The following SCFD2 variants were observed in gnomAD, a reference collection of about 807,000 sequenced individuals.
The protein encoded by SCFD2 is sec1 family domain containing 2.
A neutral mutation model predicts 58.9 loss-of-function variants in SCFD2; 54 were observed. That is an observed-to-expected ratio of 0.92 (90% CI 0.74 to 1.15). The LOEUF (loss-of-function observed/expected upper bound fraction) is 1.15. Among genes scored for constraint, SCFD2 ranks in the 50% most tolerant of loss-of-function variants. The pLI is 0.00. For synonymous variants in SCFD2, 321 were observed against 335.9 expected (o/e 0.96, Z 0.49); for missense variants, 805 against 836.6 (o/e 0.96, Z 0.47).
intron 5 of SCFD2, among the ~76,000 whole-genome samples, chr4:52,998,246 G>A (rs1721787605): frequency 6.6e-6 from 1 of 152,226 alleles, no homozygotes. Flanking sequence ...ACTCAGTAAA[G>A]TCCTACTATG....
intron 5 of SCFD2, among the ~76,000 whole-genome samples, chr4:53,075,475 C>T (rs1723945969): frequency 6.6e-6 from 1 of 152,150 alleles, no homozygotes; most frequent in Non-Finnish European, 1.5e-5. Flanking sequence ...GTGCAAGAGG[C>T]CTAGCTTTCA....
chr4:52,975,144 G>T (rs1340589975), intron 5 of SCFD2, among the ~76,000 whole-genome samples: 2 of 152,064 alleles, frequency 1.3e-5, no homozygotes, highest in Admixed American at 6.5e-5. Flanking sequence ...CAAAAGCAAT[G>T]GCAACAAAAG....
intron 5 of SCFD2, among the ~76,000 whole-genome samples, chr4:52,971,405 A>G (rs563766241): frequency 5.3e-5 from 8 of 152,364 alleles, no homozygotes; most frequent in African/African-American, 1.9e-4. Context: ...CAACTGGAAG[A>G]AAGGGTATCA....
At chr4:53,295,528 A>G (rs774217441) in intron 3 of SCFD2, among the ~76,000 whole-genome samples, 7 of 152,216 alleles carry the variant, frequency 4.6e-5, no homozygotes, top group Non-Finnish European at 1.0e-4. Flanking sequence ...CTGCTTAAGA[A>G]GATTTTGGGC....
At chr4:53,222,863 C>A (rs1729089181) in intron 4 of SCFD2, among the ~76,000 whole-genome samples, 1 of 152,154 alleles carries the variant, frequency 6.6e-6, no homozygotes, top group African/African-American at 2.4e-5. Context: ...CAGCTTTATG[C>A]ATTTAATTTG....
chr4:53,007,305 GGAGA>G lies in SCFD2; in HGVS notation c.1562-86439_1562-86436del, dbSNP rs147645284. On this transcript the variant is annotated intron_variant, in intron 5 of 8. Transcript: ENST00000401642. The stretch of plus-strand genomic sequence containing the variant: ...AGGAGAGAGAGGGAGAGAGGGAGAG[GGAGA>G]GAGAGAGAGAGAGAGAGAGAGAGAG... Among the ~76,000 whole-genome samples, 134 of 66,082 alleles carry G rather than the reference GGAGA, an allele frequency of 2.0e-3. 1 individual carries two copies. The highest frequency in any genetic ancestry group is 5.6e-3 in the East Asian group (14 of 2,510). The allele number at this position is 66,082 out of a possible 152,430, so 43.4% of individuals were successfully genotyped here.
chr4:52,998,900 C>G (rs1334303165), intron 5 of SCFD2, among the ~76,000 whole-genome samples: 1 of 152,140 alleles, frequency 6.6e-6, no homozygotes, highest in Non-Finnish European at 1.5e-5. Flanking sequence ...TTCCAACAGT[C>G]CCTGAGCTAT....
At chr4:52,900,725 C>A (rs1719168079) in intron 7 of SCFD2, among the ~76,000 whole-genome samples, 2 of 152,206 alleles carry the variant, frequency 1.3e-5, no homozygotes, top group South Asian at 2.1e-4. Context: ...TTTGTCTGTG[C>A]CCTGCCCCCA....
rs746304246 is a variant in SCFD2 at position 53,252,580 on chromosome 4, G to A, written c.1311+21246C>T. Among the ~76,000 whole-genome samples, 638 of 150,586 alleles carry A rather than the reference G, an allele frequency of 4.2e-3. 2 individuals are homozygous for A. Among genetic ancestry groups the A allele is most frequent in the Non-Finnish European group, 4.4e-3 (300 of 67,646 alleles). On this transcript the variant is annotated intron_variant, in intron 4 of 8. Transcript: ENST00000401642. ...GAACAGAGCCCTCAGAAATAACACC[G>A]CATATCTACAACTGTCTGATCTTTG...
chr4:52,917,107 G>A (rs912474820), intron 6 of SCFD2, among the ~76,000 whole-genome samples: 1 of 152,010 alleles, frequency 6.6e-6, no homozygotes. Flanking sequence ...GAGTCTTGCT[G>A]TGTTTCCCAG....
intron 4 of SCFD2, among the ~76,000 whole-genome samples, chr4:53,202,579 A>T (rs1177007340): frequency 3.9e-5 from 6 of 152,136 alleles, no homozygotes; most frequent in African/African-American, 9.7e-5. Flanking sequence ...ATTGGTAGCT[A>T]GATGGGGATG....
At chr4:53,200,757 G>T (rs990750465) in intron 4 of SCFD2, among the ~76,000 whole-genome samples, 2 of 152,082 alleles carry the variant, frequency 1.3e-5, no homozygotes, top group African/African-American at 4.8e-5. Flanking sequence ...TGTCTTAATG[G>T]CATGAATTTA....
intron 5 of SCFD2, among the ~76,000 whole-genome samples, chr4:53,096,529 T>C (rs1284602299): frequency 6.6e-6 from 1 of 152,208 alleles, no homozygotes; most frequent in Non-Finnish European, 1.5e-5. Flanking sequence ...TTGAGAAGTG[T>C]CTGTTCATAT....
intron 5 of SCFD2, among the ~76,000 whole-genome samples, chr4:53,059,127 C>G (rs1234476088): frequency 6.6e-6 from 1 of 152,120 alleles, no homozygotes; most frequent in Non-Finnish European, 1.5e-5. Flanking sequence ...GAACTCCAGC[C>G]AGGTGACTGA....
chr4:53,014,382 A>T (rs1023271266), intron 5 of SCFD2, among the ~76,000 whole-genome samples: 1 of 152,248 alleles, frequency 6.6e-6, no homozygotes, highest in African/African-American at 2.4e-5. Context: ...GCCACACCTA[A>T]AATCCATGTG....
chr4:52,969,335 A>C (rs1476834715), intron 5 of SCFD2, among the ~76,000 whole-genome samples: 2 of 152,220 alleles, frequency 1.3e-5, no homozygotes, highest in African/African-American at 2.4e-5. Flanking sequence ...AATTTTTAAC[A>C]ACATGTTTTT....
chr4:53,194,513 C>A (rs1050232076), intron 4 of SCFD2, among the ~76,000 whole-genome samples: 1 of 152,074 alleles, frequency 6.6e-6, no homozygotes, highest in African/African-American at 2.4e-5. Flanking sequence ...CTTCATATTA[C>A]GGATGAACAT....
chr4:53,215,612 C>G (rs1577852020), intron 4 of SCFD2, among the ~76,000 whole-genome samples: 1 of 152,234 alleles, frequency 6.6e-6, no homozygotes, highest in Admixed American at 6.5e-5. Flanking sequence ...TTGACTTCCT[C>G]TTTTCCTAAC....
intron 5 of SCFD2, among the ~76,000 whole-genome samples, chr4:52,939,659 G>C (rs1720239070): frequency 6.6e-6 from 1 of 151,474 alleles, no homozygotes; most frequent in African/African-American, 2.4e-5. Flanking sequence ...ATTATGGTGT[G>C]ATAAGAGCCA....
Sources: allele counts gnomAD v4.1 joint callset (sites outside exome capture counted in the v4.1 genomes callset), GRCh38; gene constraint gnomAD v4.1.1; transcripts MANE v1.5; gene names NCBI Gene and HGNC (gene_info 2026-07-23, HGNC 2026-07-21).